Variants in HS2ST1 observed in about 807,000 individuals in gnomAD.
HS2ST1 encodes heparan sulfate 2-O-sulfotransferase 1.
A neutral mutation model predicts 42.9 loss-of-function variants in HS2ST1; 18 were observed. The observed-to-expected ratio is 0.42, with a 90% CI of 0.29 to 0.62. HS2ST1 has a LOEUF of 0.62. Ranked by LOEUF, HS2ST1 falls within the 20% of genes least tolerant of loss-of-function variation. HS2ST1 has a pLI of 0.21. For missense variants in HS2ST1, 334 were observed against 433.8 expected (o/e 0.77, Z 2.04); for synonymous variants, 146 against 152.9 (o/e 0.95, Z 0.33).
rs529697296 is a variant in HS2ST1, at chr1:86,970,541, C to T, written c.124+55381C>T. On this transcript the variant is annotated intron_variant, in intron 1 of 6. Coordinates refer to ENST00000370550, the MANE Select transcript of HS2ST1 (RefSeq NM_012262.4). ...TCAGCCTCCCAAGTTGCTGGGACTA[C>T]AGGCGTGCACCACCATGCTTGGCAA... is the stretch of plus-strand genomic sequence containing the variant. Among the ~76,000 whole-genome samples the T allele has an allele frequency of 2.0e-5, 3 of 152,232 alleles. No individual in the cohort carries two copies. The East Asian group carries it at 5.8e-4, about 29-fold the overall frequency.
At chr1:87,101,861 TA>T (rs1416384635) in intron 5 of HS2ST1, among the ~76,000 whole-genome samples, 1 of 152,150 alleles carries the variant, frequency 6.6e-6, no homozygotes, top group Non-Finnish European at 1.5e-5. Flanking sequence ...CCTGAGATGG[TA>T]ATTTATAATG....
At chr1:87,005,535 A>G (rs1649414550) in intron 1 of HS2ST1, among the ~76,000 whole-genome samples, 1 of 152,204 alleles carries the variant, frequency 6.6e-6, no homozygotes, top group Non-Finnish European at 1.5e-5. Flanking sequence ...TTGGCAAAAT[A>G]ATAACACTGT....
In HS2ST1 at chr1:87,104,773, G is replaced by C; in HGVS notation, c.*77G>C. The C allele has an allele frequency of 1.2e-6, 1 of 862,760 alleles. No homozygotes were observed. Among genetic ancestry groups the C allele is most frequent in the South Asian group, 1.5e-5 (1 of 67,348 alleles). The allele number at this position is 862,760 out of a possible 1,614,324, so 53.4% of individuals were successfully genotyped here. On this transcript the variant is annotated 3_prime_UTR_variant, in exon 7 of 7. Coordinates refer to ENST00000370550, the MANE Select transcript of HS2ST1 (RefSeq NM_012262.4). ...CCTTTGTTCTCAGCTCCACAGTCTG[G>C]ATTGCTGACAGTAGGTGTATATGAC...
intron 1 of HS2ST1, among the ~76,000 whole-genome samples, chr1:86,960,183 A>C (rs1022316179): frequency 6.7e-6 from 1 of 150,044 alleles, no homozygotes; most frequent in African/African-American, 2.5e-5. Context: ...TTTTTCCACA[A>C]GTGGCACTGG....
chr1:87,094,510 C>T (rs1216130332), intron 4 of HS2ST1, among the ~76,000 whole-genome samples: 1 of 152,034 alleles, frequency 6.6e-6, no homozygotes, highest in African/African-American at 2.4e-5. Context: ...CACAGAAAGG[C>T]TAAGTATTTT....
chr1:87,058,920 G>A (rs1256984516), intron 1 of HS2ST1, among the ~76,000 whole-genome samples: 1 of 151,582 alleles, frequency 6.6e-6, no homozygotes. Context: ...TTAGCCAGGC[G>A]TGGTAGCAGG....
chr1:86,960,728 A>G (rs1476146148), intron 1 of HS2ST1, among the ~76,000 whole-genome samples: 3 of 152,230 alleles, frequency 2.0e-5, no homozygotes, highest in African/African-American at 7.2e-5. Context: ...GTGAGATACT[A>G]TACACCTATT....
chr1:87,018,506 G>A (rs1649827920), intron 1 of HS2ST1, among the ~76,000 whole-genome samples: 1 of 152,172 alleles, frequency 6.6e-6, no homozygotes, highest in South Asian at 2.1e-4. Context: ...GGCTCCTGCA[G>A]TGCATGGAAA....
chr1:87,028,461 C>T (rs568372578), intron 1 of HS2ST1, among the ~76,000 whole-genome samples: 83 of 152,294 alleles, frequency 5.4e-4, no homozygotes, highest in African/African-American at 1.9e-3. Flanking sequence ...CAACAAATAG[C>T]ACCATTTTCT....
chr1:86,981,149 T>C (rs1388118388), intron 1 of HS2ST1, among the ~76,000 whole-genome samples: 1 of 152,160 alleles, frequency 6.6e-6, no homozygotes, highest in African/African-American at 2.4e-5. Context: ...GAGAACTCAC[T>C]ATCACGAGAA....
intron 1 of HS2ST1, among the ~76,000 whole-genome samples, chr1:86,916,470 GC>G (rs1557478184): frequency 6.6e-6 from 1 of 152,138 alleles, no homozygotes; most frequent in Admixed American, 6.5e-5. Context: ...CTTTGCAAAA[GC>G]CTTGACATTT....
At chr1:86,980,537 A>G (rs527850921) in intron 1 of HS2ST1, among the ~76,000 whole-genome samples, 2 of 152,254 alleles carry the variant, frequency 1.3e-5, no homozygotes, top group Admixed American at 6.5e-5. Context: ...ATTGCAAATA[A>G]TTACATAAAC....
intron 1 of HS2ST1, among the ~76,000 whole-genome samples, chr1:86,948,094 T>A (rs755033415): frequency 3.3e-5 from 5 of 151,614 alleles, no homozygotes; most frequent in Non-Finnish European, 5.9e-5. Flanking sequence ...TATATGAAGC[T>A]TTCCATGAAG....
At chr1:87,096,220 A>G (rs1375794929) in intron 4 of HS2ST1, among the ~76,000 whole-genome samples, 1 of 152,192 alleles carries the variant, frequency 6.6e-6, no homozygotes, top group African/African-American at 2.4e-5. Flanking sequence ...GTTAGTTGCA[A>G]TGTAGAATCT....
chr1:87,069,328 C>T (rs1651340964), intron 1 of HS2ST1, among the ~76,000 whole-genome samples: 1 of 152,194 alleles, frequency 6.6e-6, no homozygotes, highest in African/African-American at 2.4e-5. Context: ...ATACTGCCTA[C>T]ATTCTAAGTG....
intron 1 of HS2ST1, among the ~76,000 whole-genome samples, chr1:87,072,457 A>G (rs1651434427): frequency 6.6e-6 from 1 of 151,478 alleles, no homozygotes; most frequent in Non-Finnish European, 1.5e-5. Flanking sequence ...TTCTCTTTTA[A>G]GTGCATTTTT....
At chr1:87,023,755 C>G (rs1487865991) in intron 1 of HS2ST1, among the ~76,000 whole-genome samples, 3 of 151,452 alleles carry the variant, frequency 2.0e-5, no homozygotes, top group Non-Finnish European at 4.4e-5. Flanking sequence ...ATGATAAACA[C>G]AATTCTAAAT....
At chr1:87,087,744 C>A (rs1471683132) in intron 3 of HS2ST1, among the ~76,000 whole-genome samples, 4 of 152,064 alleles carry the variant, frequency 2.6e-5, no homozygotes, top group Non-Finnish European at 5.9e-5. Context: ...ATTGTAGATA[C>A]TTTAGAAAAT....
chr1:87,015,787 G>T lies in HS2ST1; in HGVS notation c.125-57147G>T, dbSNP rs1180494607. On this transcript the variant is annotated intron_variant, in intron 1 of 6. Coordinates refer to ENST00000370550, the MANE Select transcript of HS2ST1 (RefSeq NM_012262.4). ...CATAGAATTGAAAATTATAGCCAAT[G>T]AAAAGCAATGTAGCTCTTTTTCTTT... Among the ~76,000 whole-genome samples the T allele has an allele frequency of 2.0e-5, 3 of 152,106 alleles. No homozygotes were observed. In the East Asian group the frequency reaches 5.8e-4, roughly 29 times the overall value.
Sources: gnomAD v4.1 joint callset for allele counts (sites outside exome capture counted in the v4.1 genomes callset) on GRCh38, gnomAD v4.1.1 for gene constraint, MANE v1.5 for transcripts, NCBI Gene and HGNC (gene_info 2026-07-23, HGNC 2026-07-21) for gene names.